Variants in LMNTD1 observed in about 807,000 individuals in gnomAD.
LMNTD1 encodes lamin tail domain containing 1.
LMNTD1 carries 35 observed loss-of-function variants against 50.9 expected under a neutral mutation model. The observed-to-expected ratio is 0.69, with a 90% CI of 0.53 to 0.91. The LOEUF is 0.91. LMNTD1 is among the 40% of genes least tolerant of loss of function. The probability of loss-of-function intolerance (pLI) is 0.00; values close to 1 mark genes in which losing one functional copy is unlikely to be tolerated. For synonymous variants in LMNTD1, 153 were observed against 161.9 expected (o/e 0.94, Z 0.42); for missense variants, 470 against 475.5 (o/e 0.99, Z 0.11).
intron 1 of LMNTD1, among the ~76,000 whole-genome samples, chr12:25,560,380 C>A (rs1335748640): frequency 6.6e-6 from 1 of 152,166 alleles, no homozygotes; most frequent in Non-Finnish European, 1.5e-5. Context: ...TCTGAGAGCT[C>A]TGTTCTGTTC....
At chr12:25,600,942 T>C (rs551486902) in intron 1 of LMNTD1, among the ~76,000 whole-genome samples, 2 of 152,008 alleles carry the variant, frequency 1.3e-5, no homozygotes, top group East Asian at 3.9e-4. Context: ...GCAATCCCAC[T>C]GCTGAGTATA....
At chr12:25,621,772 C>T (rs1002068201) in intron 1 of LMNTD1, among the ~76,000 whole-genome samples, 1 of 152,164 alleles carries the variant, frequency 6.6e-6, no homozygotes, top group African/African-American at 2.4e-5. Context: ...AAGAAGATTA[C>T]ACTCTTGAGG....
At chr12:25,578,289 T>C (rs566043204) in intron 1 of LMNTD1, among the ~76,000 whole-genome samples, 41 of 152,154 alleles carry the variant, frequency 2.7e-4, no homozygotes, top group Non-Finnish European at 5.4e-4. Context: ...GTGATCTGTA[T>C]ACGTGGGTGA....
At chr12:25,591,700 T>C (rs1393895776) in intron 1 of LMNTD1, among the ~76,000 whole-genome samples, 1 of 151,722 alleles carries the variant, frequency 6.6e-6, no homozygotes, top group African/African-American at 2.4e-5. Context: ...CAGCAAGCCT[T>C]AGGCAAGACT....
At chr12:25,619,920 TAATA>T (rs1309632450) in intron 1 of LMNTD1, among the ~76,000 whole-genome samples, 1 of 152,258 alleles carries the variant, frequency 6.6e-6, no homozygotes, top group African/African-American at 2.4e-5. Flanking sequence ...ATTCTGGCTT[TAATA>T]ACTCAAGAGT....
At chr12:25,526,979 G>C in intron 4 of LMNTD1, 24 bp from the exon 5 acceptor site, 1 of 1,537,122 alleles carries the variant, frequency 6.5e-7, no homozygotes, top group Non-Finnish European at 8.9e-7. Context: ...CACAAAGATT[G>C]TAAGCTGCCT....
chr12:25,628,554 A>G (rs774826589), intron 1 of LMNTD1, among the ~76,000 whole-genome samples: 1 of 152,038 alleles, frequency 6.6e-6, no homozygotes, highest in African/African-American at 2.4e-5. Flanking sequence ...GGCAAGGGGA[A>G]CTCTGCAGAT....
chr12:25,561,712 C>T (rs902310509), intron 1 of LMNTD1, among the ~76,000 whole-genome samples: 2 of 152,100 alleles, frequency 1.3e-5, no homozygotes, highest in African/African-American at 2.4e-5. Context: ...CTTTCTGTCT[C>T]GTTGATCTGT....
chr12:25,632,112 A>G (rs934393255), intron 1 of LMNTD1, among the ~76,000 whole-genome samples: 1 of 152,236 alleles, frequency 6.6e-6, no homozygotes, highest in Admixed American at 6.5e-5. Flanking sequence ...AGAAAAAAGA[A>G]TAAGAAAATA....
At chr12:25,527,640 CTATATATATATA>C (rs61347000) in intron 4 of LMNTD1, among the ~76,000 whole-genome samples, 32 of 61,710 alleles carry the variant, frequency 5.2e-4, no homozygotes, top group Non-Finnish European at 7.4e-4. Context: ...CTTAATAACA[CTATATATATATA>C]TATATATATA....
chr12:25,586,131 C>T (rs1189336910), intron 1 of LMNTD1: 1 of 152,116 alleles, frequency 6.6e-6, no homozygotes, highest in Non-Finnish European at 1.5e-5. Context: ...AGGGTAGTGT[C>T]AAAGGCAAGT....
chr12:25,505,777 G>A (rs1939724552), intron 8 of LMNTD1, among the ~76,000 whole-genome samples: 1 of 151,894 alleles, frequency 6.6e-6, no homozygotes, highest in East Asian at 1.9e-4. Context: ...CTATCCCTCT[G>A]GATAGTCAGT....
chr12:25,583,430 A>G (rs921738017), intron 1 of LMNTD1, among the ~76,000 whole-genome samples: 1 of 152,054 alleles, frequency 6.6e-6, no homozygotes, highest in Admixed American at 6.6e-5. Context: ...TCTGCCTCCC[A>G]TAGTGCTGGG....
intron 1 of LMNTD1, among the ~76,000 whole-genome samples, chr12:25,615,897 T>A (rs1565520754): frequency 6.6e-6 from 1 of 152,246 alleles, no homozygotes; most frequent in Non-Finnish European, 1.5e-5. Flanking sequence ...GTGATTTTAG[T>A]ATGATTCTGC....
In LMNTD1 at chr12:25,607,439, T is replaced by C. The variant is rs1946138925; in HGVS notation, c.58+41055A>G. ...AATTGTGATGTTAGGGTGTCAATTT[T>C]AGATCTTTCCTGCTTTCTCTTGTGG... On this transcript the variant is annotated intron_variant, in intron 1 of 7. Coordinates refer to the LMNTD1 transcript ENST00000445693. Among the ~76,000 whole-genome samples the C allele has an allele frequency of 2.0e-5, 3 of 152,344 alleles. No individual in the cohort carries two copies. In the South Asian group the frequency reaches 6.2e-4, roughly 32 times the overall value.
chr12:25,595,198 T>C (rs1912654), intron 1 of LMNTD1, among the ~76,000 whole-genome samples: 89,205 of 151,870 alleles, frequency 0.59, 28,089 homozygotes, highest in Middle Eastern at 0.73. Flanking sequence ...AAAGAAACAA[T>C]TGATTTAAAC....
chr12:25,527,667 TATATATATATATATACACACACACAC>T (rs1326487503), intron 4 of LMNTD1, among the ~76,000 whole-genome samples: 2 of 23,108 alleles, frequency 8.7e-5, no homozygotes, highest in East Asian at 3.6e-3. Context: ...TATATATATA[TATATATATATATATACACACACACAC>T]ACACACACAC....
intron 1 of LMNTD1, among the ~76,000 whole-genome samples, chr12:25,586,747 T>G (rs930203609): frequency 6.6e-6 from 1 of 152,218 alleles, no homozygotes; most frequent in Non-Finnish European, 1.5e-5. Context: ...GAGTCTCTGA[T>G]ACGATGGTGA....
chr12:25,549,894 T>C (rs1943655959), intron 2 of LMNTD1, among the ~76,000 whole-genome samples: 2 of 152,184 alleles, frequency 1.3e-5, no homozygotes, highest in South Asian at 4.1e-4. Flanking sequence ...TTACTCTAAG[T>C]GGAGACTTTA....
Sources: allele counts gnomAD v4.1 joint callset (sites outside exome capture counted in the v4.1 genomes callset), GRCh38; gene constraint gnomAD v4.1.1; transcripts MANE v1.5; gene names NCBI Gene and HGNC (gene_info 2026-07-23, HGNC 2026-07-21).